The following PCED1B variants were observed in gnomAD, a reference collection of about 807,000 sequenced individuals.
The protein encoded by PCED1B is PC-esterase domain-containing protein 1B.
For synonymous variants in PCED1B, 251 were observed against 246.1 expected, an observed-to-expected ratio of 1.02 and a Z score of -0.19; for missense variants, 573 against 573.9, an observed-to-expected ratio of 1.00 and a Z score of 0.02.
chr12:47,079,758 C>G (rs895543577), intron 1 of PCED1B, 33 bp downstream of exon 1: 4 of 150,826 alleles, frequency 2.7e-5, no homozygotes, highest in Admixed American at 2.6e-4. Flanking sequence ...GCCGTGTGCC[C>G]GCGCGCGGGG....
chr12:47,111,378 T>C (rs997933519), intron 2 of PCED1B, among the ~76,000 whole-genome samples: 2 of 152,206 alleles, frequency 1.3e-5, no homozygotes, highest in African/African-American at 2.4e-5. Context: ...TAAGTACTTA[T>C]TAGATTTTTA....
chr12:47,130,233 A>C (rs1235144962), intron 2 of PCED1B, among the ~76,000 whole-genome samples: 1 of 152,212 alleles, frequency 6.6e-6, no homozygotes, highest in East Asian at 1.9e-4. Flanking sequence ...AAAGTCACTT[A>C]ATATATTTTA....
intron 2 of PCED1B, among the ~76,000 whole-genome samples, chr12:47,166,496 C>T (rs975760718): frequency 6.6e-6 from 1 of 152,192 alleles, no homozygotes; most frequent in African/African-American, 2.4e-5. Context: ...AGAAACTTTT[C>T]ACTCACCTGA....
Position 47,236,267 on chromosome 12 carries a change from A to C in PCED1B, c.1204A>C (p.Arg402=), listed in dbSNP as rs1400770793. 49 of 1,613,972 alleles carry C rather than the reference A, an allele frequency of 3.0e-5. No individual in the cohort carries two copies. Among genetic ancestry groups the C allele is most frequent in the Non-Finnish European group, 3.8e-5 (45 of 1,180,014 alleles). ...CCCAGTGGTACATAGGGGTTTTGGC[A>C]GGTATCGTCCCCGTGGCCCCTATAC... The part of the protein sequence containing the change: ...PAPVVHRGFG[R]YRPRGPYTPW... The change falls in exon 4 of 4, where the codon AGG becomes CGG. Residue 402 remains arginine (R), a synonymous_variant. Coordinates refer to ENST00000546455, the MANE Select transcript of PCED1B (RefSeq NM_138371.3).
At chr12:47,208,031 G>T (rs377259897) in intron 2 of PCED1B, among the ~76,000 whole-genome samples, 631 of 148,744 alleles carry the variant, frequency 4.2e-3, no homozygotes, top group South Asian at 0.012. Context: ...AATTTGTTGG[G>T]TTTTTTTTTT....
intron 3 of PCED1B, among the ~76,000 whole-genome samples, chr12:47,227,279 C>G (rs867321051): frequency 6.6e-6 from 1 of 152,100 alleles, no homozygotes; most frequent in East Asian, 1.9e-4. Context: ...TCAAGCGATT[C>G]TCCCGCCTCA....
At chr12:47,164,454 G>T (rs895488716) in intron 2 of PCED1B, among the ~76,000 whole-genome samples, 6 of 152,224 alleles carry the variant, frequency 3.9e-5, no homozygotes, top group African/African-American at 1.4e-4. Flanking sequence ...TTCACTCCAT[G>T]TGCTGCCTCC....
chr12:47,199,485 C>T (rs1270872523), intron 2 of PCED1B, among the ~76,000 whole-genome samples: 5 of 152,102 alleles, frequency 3.3e-5, no homozygotes, highest in Admixed American at 3.3e-4. Context: ...TATCTGGCAT[C>T]GAGTGTTACT....
chr12:47,085,058 C>T (rs1172001983), intron 1 of PCED1B, among the ~76,000 whole-genome samples: 2 of 152,192 alleles, frequency 1.3e-5, no homozygotes, highest in Non-Finnish European at 2.9e-5. Flanking sequence ...GCACGAGAAT[C>T]GCTTGAACCT....
intron 2 of PCED1B, among the ~76,000 whole-genome samples, chr12:47,149,417 T>C (rs1044161783): frequency 2.6e-5 from 4 of 152,218 alleles, no homozygotes; most frequent in Non-Finnish European, 5.9e-5. Context: ...TGCTACCTGT[T>C]ATTAGTTCCT....
chr12:47,109,740 A>T (rs1939110703), intron 2 of PCED1B, among the ~76,000 whole-genome samples: 1 of 152,206 alleles, frequency 6.6e-6, no homozygotes, highest in East Asian at 1.9e-4. Context: ...GTGCAATAGA[A>T]TTACCTGAAA....
intron 1 of PCED1B, among the ~76,000 whole-genome samples, chr12:47,097,255 T>C (rs1056928178): frequency 6.6e-6 from 1 of 152,226 alleles, no homozygotes; most frequent in African/African-American, 2.4e-5. Context: ...TAAATGTACC[T>C]GTAGAAAATA....
chr12:47,154,779 ATGTGTGTGTGTGTGTGTG>A, intron 2 of PCED1B, among the ~76,000 whole-genome samples: 1 of 146,596 alleles, frequency 6.8e-6, no homozygotes, highest in East Asian at 2.0e-4. Flanking sequence ...GTGTGTGTGC[ATGTGTGTGTGTGTGTGTG>A]TGTGTGTGTG....
intron 3 of PCED1B, among the ~76,000 whole-genome samples, chr12:47,218,635 C>T (rs1204687795): frequency 5.3e-5 from 8 of 151,620 alleles, no homozygotes; most frequent in Non-Finnish European, 7.4e-5. Context: ...TACAGACATG[C>T]GCCACCACAT....
At chr12:47,220,294 C>T (rs1211731413) in intron 3 of PCED1B, among the ~76,000 whole-genome samples, 2 of 152,142 alleles carry the variant, frequency 1.3e-5, no homozygotes, top group East Asian at 3.8e-4. Flanking sequence ...GCCTCGGCCT[C>T]CTGAATAGCT....
Position 47,219,924 on chromosome 12 carries a change from A to G in PCED1B, c.-58+3235A>G, listed in dbSNP as rs12310298. Among the ~76,000 whole-genome samples the G allele has an allele frequency of 8.4e-3, 1,272 of 152,166 alleles. 17 individuals are homozygous for G. The highest frequency in any genetic ancestry group is 0.028 in the African/African-American group (1,181 of 41,530). ...CTAATTATTCAGAAGATTCACTGTC[A>G]ATAATGGGTGTGGTGGCATGAGCCT... On this transcript the variant is annotated intron_variant, in intron 3 of 3. Transcript: ENST00000546455.
intron 2 of PCED1B, among the ~76,000 whole-genome samples, chr12:47,142,812 A>G (rs995686290): frequency 1.5e-4 from 23 of 152,294 alleles, no homozygotes; most frequent in African/African-American, 5.5e-4. Flanking sequence ...TTAAGAAAGC[A>G]TAATAAAGAA....
intron 2 of PCED1B, among the ~76,000 whole-genome samples, chr12:47,127,873 TG>T (rs1439988508): frequency 6.6e-6 from 1 of 152,188 alleles, no homozygotes; most frequent in Non-Finnish European, 1.5e-5. Context: ...TGATTGATAG[TG>T]TTGTTCAAGT....
intron 2 of PCED1B, among the ~76,000 whole-genome samples, chr12:47,115,535 T>G (rs1459976969): frequency 1.3e-5 from 2 of 152,098 alleles, no homozygotes; most frequent in Admixed American, 6.5e-5. Context: ...CCTCCCTCCA[T>G]TCTCCTTGCC....
Sources: allele counts gnomAD v4.1 joint callset (sites outside exome capture counted in the v4.1 genomes callset), GRCh38; gene constraint gnomAD v4.1.1; transcripts MANE v1.5; gene names NCBI Gene and HGNC (gene_info 2026-07-23, HGNC 2026-07-21).